The following RHBDD1 variants were observed in gnomAD, a reference collection of about 807,000 sequenced individuals.
RHBDD1 encodes the protein rhomboid domain containing 1, also known as rhomboid-related protein 4.
Under a neutral mutation model 36.3 loss-of-function variants are expected in RHBDD1, and 38 were observed. That is an observed-to-expected ratio of 1.05 (90% CI 0.81 to 1.37). RHBDD1 has a LOEUF of 1.37. Ranked by LOEUF, RHBDD1 falls within the 40% of genes most tolerant of loss-of-function variation. RHBDD1 has a pLI of 0.00. For synonymous variants in RHBDD1, 151 were observed against 136.5 expected (o/e 1.11, Z -0.74); for missense variants, 393 against 377.6 (o/e 1.04, Z -0.34).
chr2:226,908,941 A>G, intron 7 of RHBDD1, 63 bp downstream of exon 7: 1 of 1,077,682 alleles, frequency 9.3e-7, no homozygotes. Context: ...GTTCAGCTCT[A>G]CAGAGTACTT....
chr2:226,885,241 G>A (rs1207521614), intron 5 of RHBDD1, among the ~76,000 whole-genome samples: 1 of 152,106 alleles, frequency 6.6e-6, no homozygotes, highest in East Asian at 1.9e-4. Flanking sequence ...CTGTACATTG[G>A]TATAAACATT....
chr2:226,852,883 G>A (rs569378400), intron 3 of RHBDD1, among the ~76,000 whole-genome samples: 1 of 149,066 alleles, frequency 6.7e-6, no homozygotes, highest in East Asian at 1.9e-4. Flanking sequence ...ATAGGTGTGT[G>A]CCACTGCACC....
intron 3 of RHBDD1, among the ~76,000 whole-genome samples, chr2:226,860,397 G>C: frequency 6.6e-6 from 1 of 152,146 alleles, no homozygotes; most frequent in East Asian, 1.9e-4. Flanking sequence ...TATAATTGAT[G>C]TTGCCTCTGT....
At chr2:226,857,817 C>A (rs1208458929) in intron 3 of RHBDD1, among the ~76,000 whole-genome samples, 1 of 151,980 alleles carries the variant, frequency 6.6e-6, no homozygotes, top group African/African-American at 2.4e-5. Context: ...GGTATGGGGT[C>A]TCTCTTTGAA....
rs1956598687 is a variant in RHBDD1 at position 226,984,925 on chromosome 2, T to TGGGGTG, written c.857-10501_857-10496dup. Among the ~76,000 whole-genome samples, 6 of 15,288 alleles carry TGGGGTG rather than the reference T, an allele frequency of 3.9e-4. No homozygotes were observed. The South Asian group carries it at 0.015, about 39-fold the overall frequency. 10.0% of individuals were successfully genotyped at this position (15,288 alleles called of 152,430 possible). ...GCCCTTCTGATGCTCTCCTGGGGGT[T>TGGGGTG]GGGGTGGGGGAGGGGGAGGAGGGGC... On this transcript the variant is annotated intron_variant, in intron 8 of 8. Transcript: ENST00000392062.
At chr2:226,922,925 T>G (rs1449752883) in intron 8 of RHBDD1, among the ~76,000 whole-genome samples, 1 of 152,194 alleles carries the variant, frequency 6.6e-6, no homozygotes, top group Non-Finnish European at 1.5e-5. Flanking sequence ...CACTTTAACT[T>G]TGTCCCCCTG....
chr2:226,819,969 T>TTG, the RHBDD1 span, among the ~76,000 whole-genome samples: 71 of 126,620 alleles, frequency 5.6e-4, 1 homozygote, highest in Middle Eastern at 3.8e-3. Context: ...AAACTACATA[T>TTG]TGTGTGTGTT....
chr2:226,911,874 A>G (rs1413820619), intron 7 of RHBDD1, among the ~76,000 whole-genome samples: 1 of 152,166 alleles, frequency 6.6e-6, no homozygotes, highest in Non-Finnish European at 1.5e-5. Context: ...TATTGGAGGT[A>G]TTTAGTAAAT....
At chr2:226,818,241 C>A in the RHBDD1 span, among the ~76,000 whole-genome samples, 3 of 146,604 alleles carry the variant, frequency 2.0e-5, no homozygotes. Flanking sequence ...CTCACTGCAA[C>A]CTCCGCCTCC....
chr2:226,933,545 C>G (rs1016595926), intron 8 of RHBDD1, among the ~76,000 whole-genome samples: 1 of 152,054 alleles, frequency 6.6e-6, no homozygotes, highest in Non-Finnish European at 1.5e-5. Flanking sequence ...AATTTTTTCA[C>G]TGGTGTCCAG....
the RHBDD1 span, among the ~76,000 whole-genome samples, chr2:226,813,611 C>T: frequency 1.3e-5 from 2 of 152,196 alleles, no homozygotes; most frequent in Admixed American, 6.5e-5. Context: ...CTGTCACTTG[C>T]CATCATTGTA....
chr2:226,849,738 C>CTATATCTA (rs556046656), intron 3 of RHBDD1, among the ~76,000 whole-genome samples: 9 of 152,256 alleles, frequency 5.9e-5, no homozygotes, highest in African/African-American at 2.2e-4. Flanking sequence ...TAATCTGTAT[C>CTATATCTA]TATATCTATA....
chr2:226,869,812 C>G (rs1944636876), intron 5 of RHBDD1, among the ~76,000 whole-genome samples: 3 of 152,248 alleles, frequency 2.0e-5, no homozygotes, highest in Middle Eastern at 3.4e-3. Flanking sequence ...TTTCCATTTT[C>G]CTTCGTGTCC....
the RHBDD1 span, among the ~76,000 whole-genome samples, chr2:226,813,588 C>T: frequency 6.6e-6 from 1 of 152,214 alleles, no homozygotes; most frequent in South Asian, 2.1e-4. Context: ...GCACTGCCTT[C>T]CTTCACTCCG....
chr2:226,909,161 T>A (rs1315452900), intron 7 of RHBDD1, among the ~76,000 whole-genome samples: 1 of 152,104 alleles, frequency 6.6e-6, no homozygotes. Context: ...TATTAGACCT[T>A]GGTTCTTTAA....
At chr2:226,831,505 T>C (rs1037678137), upstream of RHBDD1, among the ~76,000 whole-genome samples, 30 of 152,110 alleles carry the variant, frequency 2.0e-4, no homozygotes, top group African/African-American at 6.5e-4. Context: ...AGGCAGAGAC[T>C]GAAGTGCTGC....
the RHBDD1 span, among the ~76,000 whole-genome samples, chr2:226,808,078 A>G: frequency 6.6e-6 from 1 of 152,146 alleles, no homozygotes; most frequent in South Asian, 2.1e-4. Context: ...GGACAGGGGT[A>G]GTGGCAGAAG....
intron 8 of RHBDD1, among the ~76,000 whole-genome samples, chr2:226,935,633 T>A (rs1278266622): frequency 8.6e-6 from 1 of 116,706 alleles, no homozygotes; most frequent in Non-Finnish European, 1.8e-5. Flanking sequence ...ATCTCAGTTT[T>A]ATTTTTTTTT....
At chr2:226,921,425 T>C (rs1450313315) in intron 8 of RHBDD1, among the ~76,000 whole-genome samples, 1 of 152,110 alleles carries the variant, frequency 6.6e-6, no homozygotes, top group Non-Finnish European at 1.5e-5. Context: ...AGATGAATCA[T>C]TATGTTATTT....
Sources: allele counts gnomAD v4.1 joint callset (sites outside exome capture counted in the v4.1 genomes callset), GRCh38; gene constraint gnomAD v4.1.1; transcripts MANE v1.5; gene names NCBI Gene and HGNC (gene_info 2026-07-23, HGNC 2026-07-21).